Variants in ZFAND1 observed in about 807,000 individuals in gnomAD.
The protein encoded by ZFAND1 is AN1-type zinc finger protein 1.
Under a neutral mutation model 38.5 loss-of-function variants are expected in ZFAND1, and 40 were observed. The observed-to-expected ratio is 1.04, with a 90% CI of 0.81 to 1.35. ZFAND1 has a LOEUF of 1.35. Among genes scored for constraint, ZFAND1 ranks in the 40% most tolerant of loss-of-function variants. ZFAND1 has a pLI of 0.00. For synonymous variants in ZFAND1, 117 were observed against 103.6 expected, an observed-to-expected ratio of 1.13 and a Z score of -0.78; for missense variants, 346 against 316.3, an observed-to-expected ratio of 1.09 and a Z score of -0.71.
intron 6 of ZFAND1, 89 bp from the exon 7 acceptor site, chr8:81,703,213 A>T (rs1807866519): frequency 2.2e-6 from 2 of 918,616 alleles, no homozygotes; most frequent in African/African-American, 1.7e-5. Context: ...TCTTCTGGTC[A>T]GAGCAGAATT....
chr8:81,715,115 C>G lies in ZFAND1; in HGVS notation c.139-1G>C. On this transcript the variant is annotated splice_acceptor_variant, in intron 3 of 7. Coordinates refer to ENST00000220669, the MANE Select transcript of ZFAND1 (RefSeq NM_024699.3). LOFTEE classifies it high-confidence loss of function. ...TCAGTCTCTCATTGATTACAGTCAC[C>G]TGAAAATGCAAAAAGGAGGAAATGT... 1 of 1,611,396 alleles carries G rather than the reference C, an allele frequency of 6.2e-7. No individual in the cohort carries two copies. Among genetic ancestry groups the G allele is most frequent in the Non-Finnish European group, 8.5e-7 (1 of 1,178,976 alleles).
At chr8:81,718,252 GGTCA>G in intron 1 of ZFAND1, 28 bp from the exon 2 acceptor site, 1 of 1,490,058 alleles carries the variant, frequency 6.7e-7, no homozygotes, top group Admixed American at 2.1e-5. Flanking sequence ...TGTATATACT[GGTCA>G]GTATCTGATT....
At position 81,712,660 on chromosome 8, in the gene ZFAND1, T is replaced by C. The variant is rs1808173727; in HGVS notation, c.480+1258A>G. On this transcript the variant is annotated intron_variant, in intron 6 of 7. Transcript: ENST00000220669. ...AAGAATAAAACTAGGAAAAGGTATG[T>C]AAATATTTATGGTAAGCATTATAGA... 1.3e-5 allele frequency among the ~76,000 whole-genome samples: 2 copies of C among 152,094 alleles called. 1 individual carries two copies. The highest frequency in any genetic ancestry group is 2.9e-5 in the Non-Finnish European group (2 of 68,000).
chr8:81,708,787 C>A (rs775673252), intron 6 of ZFAND1: 36 of 1,256,576 alleles, frequency 2.9e-5, no homozygotes, highest in East Asian at 1.9e-4. Flanking sequence ...CAGGCTCTTA[C>A]CAAGTTAGTG....
chr8:81,714,032 C>A lies in ZFAND1; in HGVS notation c.366G>T (p.Lys122Asn). 1 of 1,605,748 alleles carries A rather than the reference C, an allele frequency of 6.2e-7. No homozygotes were observed. Among genetic ancestry groups the A allele is most frequent in the Non-Finnish European group, 8.5e-7 (1 of 1,177,464 alleles). The change falls in exon 6 of 8, where the codon AAG becomes AAT. Residue 122 changes from lysine to asparagine, a missense_variant. By Grantham distance (94) the Lys-to-Asn change is moderately conservative (BLOSUM62 0). Coordinates refer to ENST00000220669, the MANE Select transcript of ZFAND1 (RefSeq NM_024699.3). ...QKLVKDIIDS[K>N]TGETASKRWK... The stretch of plus-strand genomic sequence containing the variant: ...ATCGTTTACTTGCTGTTTCTCCTGT[C>A]TTGGAATCTAAGAAGTGTAAGCATG...
chr8:81,704,435 G>A lies in ZFAND1; in HGVS notation c.481-1311C>T, dbSNP rs888509766. On this transcript the variant is annotated intron_variant, in intron 6 of 7. Transcript: ENST00000220669. The stretch of plus-strand genomic sequence containing the variant: ...TGCTGGTAGTCCCAGCTACTTTGGA[G>A]GCTGAGGTGGGAGGATCACTTGAGC... 4.0e-5 allele frequency among the ~76,000 whole-genome samples: 6 copies of A among 151,738 alleles called. No homozygotes were observed. The South Asian group carries it at 1.2e-3, about 32-fold the overall frequency.
chr8:81,709,237 T>C (rs937321099), intron 6 of ZFAND1, among the ~76,000 whole-genome samples: 5 of 152,176 alleles, frequency 3.3e-5, no homozygotes, highest in Non-Finnish European at 5.9e-5. Flanking sequence ...CTACTAGGCA[T>C]TAATGAGAGA....
chr8:81,711,905 A>T (rs755674669), intron 6 of ZFAND1, among the ~76,000 whole-genome samples: 2 of 152,134 alleles, frequency 1.3e-5, no homozygotes, highest in Non-Finnish European at 2.9e-5. Context: ...TTTGAGAACA[A>T]ATTCCCACCC....
At chr8:81,721,139 C>T in intron 1 of ZFAND1, 88 bp downstream of exon 1, 1 of 1,501,408 alleles carries the variant, frequency 6.7e-7, no homozygotes, top group Non-Finnish European at 9.0e-7. Context: ...CTTGTGGCCT[C>T]CCTTCACCCG....
Position 81,702,682 on chromosome 8 carries a change from A to T in ZFAND1, c.*13T>A, listed in dbSNP as rs1036798701. 2.1e-6 allele frequency: 3 copies of T among 1,460,112 alleles called. No homozygotes were observed. The Admixed American group carries it at 7.2e-5, about 35-fold the overall frequency. The allele number at this position is 1,460,112 out of a possible 1,614,324, so 90.4% of individuals were successfully genotyped here. On this transcript the variant is annotated 3_prime_UTR_variant, in exon 8 of 8. Coordinates refer to ENST00000220669, the MANE Select transcript of ZFAND1 (RefSeq NM_024699.3). ...AATTTTCCCTGTGATTTCTGACTTG[A>T]ATCTTTGAATGACTATTCCAAGTAA...
intron 6 of ZFAND1, among the ~76,000 whole-genome samples, chr8:81,703,453 C>A (rs541520427): frequency 2.8e-4 from 42 of 152,270 alleles, no homozygotes; most frequent in African/African-American, 8.2e-4. Context: ...GAGGGAGTTT[C>A]GCTCTTGTTG....
chr8:81,715,091 C>G lies in ZFAND1; in HGVS notation c.162G>C (p.Leu54=). The part of the protein sequence containing the change: ...CPEVTVINER[L]KTDQHTSYPC... ...GGTAAGATGTATGTTGATCTGTCTT[C>G]AGTCTCTCATTGATTACAGTCACCT... Residue 54 remains leucine (L), a synonymous_variant, in exon 4 of 8, where the codon CTG becomes CTC. Coordinates refer to ENST00000220669, the MANE Select transcript of ZFAND1 (RefSeq NM_024699.3). 6.2e-7 allele frequency: 1 copy of G among 1,613,958 alleles called. No individual in the cohort carries two copies. Among genetic ancestry groups the G allele is most frequent in the Non-Finnish European group, 8.5e-7 (1 of 1,179,932 alleles).
chr8:81,717,506 A>G (rs1375816477), intron 2 of ZFAND1, among the ~76,000 whole-genome samples: 1 of 152,198 alleles, frequency 6.6e-6, no homozygotes, highest in East Asian at 1.9e-4. Context: ...ATGAGTAAAA[A>G]CAATTCACCA....
intron 6 of ZFAND1, among the ~76,000 whole-genome samples, chr8:81,704,090 C>A (rs1331901410): frequency 8.1e-6 from 1 of 123,616 alleles, no homozygotes; most frequent in Non-Finnish European, 1.7e-5. Flanking sequence ...CTTTTCGGAA[C>A]AAGGAAACAT....
rs1321074186 is a variant in ZFAND1 at position 81,715,022 on chromosome 8, A to G, written c.231T>C (p.Val77=). Residue 77 remains valine, a synonymous_variant, in exon 4 of 8, where the codon GTT becomes GTC. Coordinates refer to ENST00000220669, the MANE Select transcript of ZFAND1 (RefSeq NM_024699.3). ...KDCAERELVA[V]ICPYCEKNFC... is the part of the protein sequence containing the mutation. ...AATTCTTCTCACAATAAGGACATAT[A>G]ACTGCCACAAGTTCTCTCTCAGCAC... The G allele has an allele frequency of 1.2e-6, 2 of 1,614,112 alleles. No individual in the cohort carries two copies. Among genetic ancestry groups the G allele is most frequent in the Non-Finnish European group, 1.7e-6 (2 of 1,179,976 alleles).
intron 2 of ZFAND1, 75 bp downstream of exon 2, chr8:81,718,107 T>C: frequency 8.3e-7 from 1 of 1,201,534 alleles, no homozygotes; most frequent in Non-Finnish European, 1.2e-6. Context: ...TTTAAATCAT[T>C]CTACTTTTCA....
chr8:81,718,303 T>C, intron 1 of ZFAND1, 79 bp from the exon 2 acceptor site: 8 of 1,184,606 alleles, frequency 6.8e-6, no homozygotes, highest in South Asian at 5.1e-5. Context: ...ACAACCTCTA[T>C]GGAAAAACTT....
chr8:81,717,195 T>C, intron 3 of ZFAND1, 54 bp downstream of exon 3: 2 of 1,433,030 alleles, frequency 1.4e-6, no homozygotes, highest in Non-Finnish European at 1.9e-6. Context: ...AAATTCTGAA[T>C]GAAAGTACAT....
In ZFAND1 at chr8:81,703,079, C is replaced by G. The variant is rs764724487; in HGVS notation, c.526G>C (p.Glu176Gln). Reference sequence around the variant, plus strand: ...CAAAAGAACATTGGTTTGCTCTTCTCTTTGCTCCCTTTAGGTAAGAAAACC... The same window carrying G: ...CAAAAGAACATTGGTTTGCTCTTCTGTTTGCTCCCTTTAGGTAAGAAAACC... Reference protein sequence around the residue: ...FQVFLPKGSKEKSKPMFFCHR... With the variant: ...FQVFLPKGSKQKSKPMFFCHR... Residue 176 changes from glutamate to glutamine, a missense_variant, in exon 7 of 8, where the codon GAG becomes CAG. Coordinates refer to ENST00000220669, the MANE Select transcript of ZFAND1 (RefSeq NM_024699.3). The G allele has an allele frequency of 1.3e-6, 2 of 1,570,138 alleles. No individual in the cohort carries two copies. The highest frequency in any genetic ancestry group is 1.2e-5 in the South Asian group (1 of 85,016).
Sources: gnomAD v4.1 joint callset for allele counts (sites outside exome capture counted in the v4.1 genomes callset) on GRCh38, gnomAD v4.1.1 for gene constraint, MANE v1.5 for transcripts, NCBI Gene and HGNC (gene_info 2026-07-23, HGNC 2026-07-21) for gene names.